ATP10D: variants seen among roughly 807,000 people sequenced by gnomAD.
The protein encoded by ATP10D is ATPase phospholipid transporting 10D (putative).
ATP10D carries 89 observed loss-of-function variants against 144.8 expected under a neutral mutation model. The ratio of observed to expected loss-of-function variants is 0.61; its 90% confidence interval spans 0.52 to 0.73. The LOEUF is 0.73. Among genes scored for constraint, ATP10D ranks in the 30% least tolerant of loss-of-function variants. The pLI, the probability that ATP10D is intolerant of heterozygous loss-of-function variation, is 0.00. For synonymous variants in ATP10D, 571 were observed against 615.1 expected (o/e 0.93, Z 1.06); for missense variants, 1,603 against 1,714.8 (o/e 0.93, Z 1.15).
chr4:47,568,137 A>G (rs1719738344), intron 15 of ATP10D, among the ~76,000 whole-genome samples: 1 of 152,266 alleles, frequency 6.6e-6, no homozygotes. Context: ...AACTGCCTTT[A>G]AAGAACTTCC....
chr4:47,496,781 TA>T (rs1282127951), intron 1 of ATP10D, among the ~76,000 whole-genome samples: 1 of 152,100 alleles, frequency 6.6e-6, no homozygotes, highest in Non-Finnish European at 1.5e-5. Flanking sequence ...CCAACTGTGC[TA>T]TTCATGTGAC....
At chr4:47,526,344 T>G (rs1184066198) in intron 5 of ATP10D, among the ~76,000 whole-genome samples, 1 of 152,214 alleles carries the variant, frequency 6.6e-6, no homozygotes. Flanking sequence ...GGTGGTCATC[T>G]CATAGATGTA....
In ATP10D at chr4:47,535,957, A is replaced by G; in HGVS notation, c.939A>G (p.Lys313=). The G allele has an allele frequency of 6.2e-7, 1 of 1,613,204 alleles. No individual in the cohort carries two copies. The highest frequency in any genetic ancestry group is 8.5e-7 in the Non-Finnish European group (1 of 1,179,354). Residue 313 remains lysine (K), a synonymous_variant, in exon 7 of 23, where the codon AAA becomes AAG. Transcript: ENST00000273859. The stretch of plus-strand genomic sequence containing the variant: ...GTGGGCCACGGTATAAGCGCAGCAA[A>G]TTAGAAAGAAGAGCAAACACAGATG... The part of the protein sequence containing the change: ...NNSGPRYKRS[K]LERRANTDVL...
In ATP10D at chr4:47,512,609, T is replaced by C. The variant is rs977627036; in HGVS notation, c.69T>C (p.Asp23=). The C allele has an allele frequency of 6.2e-7, 1 of 1,614,164 alleles. No individual in the cohort carries two copies. The highest frequency in any genetic ancestry group is 2.2e-5 in the East Asian group (1 of 44,880). ...RRLIRGATRD[D]DSGPYNYSSL... ...TGATCAGAGGTGCAACCAGGGATGA[T>C]GATTCAGGGCCATACAACTATTCCT... Residue 23 remains aspartate, a synonymous_variant, in exon 2 of 23, where the codon GAT becomes GAC. Coordinates refer to ENST00000273859, the MANE Select transcript of ATP10D (RefSeq NM_020453.4).
chr4:47,585,902 A>G (rs955960515), intron 21 of ATP10D, among the ~76,000 whole-genome samples: 5 of 152,184 alleles, frequency 3.3e-5, no homozygotes, highest in Non-Finnish European at 7.3e-5. Flanking sequence ...TCTGTTGATG[A>G]ACACTTAGGT....
chr4:47,498,395 G>C (rs1715510819), intron 1 of ATP10D, among the ~76,000 whole-genome samples: 1 of 152,156 alleles, frequency 6.6e-6, no homozygotes, highest in African/African-American at 2.4e-5. Flanking sequence ...AAATGTCCTA[G>C]GGGGCTGGAA....
intron 3 of ATP10D, among the ~76,000 whole-genome samples, chr4:47,516,979 A>G (rs1026225406): frequency 6.6e-6 from 1 of 152,386 alleles, no homozygotes; most frequent in East Asian, 1.9e-4. Context: ...AAAAATAGCT[A>G]TAAGAAACAA....
At chr4:47,543,126 G>A (rs1422654611) in intron 9 of ATP10D, among the ~76,000 whole-genome samples, 2 of 152,066 alleles carry the variant, frequency 1.3e-5, no homozygotes, top group African/African-American at 4.8e-5. Context: ...TTTTACTACA[G>A]TATATTGTTA....
chr4:47,513,181 G>A (rs1238246085), intron 2 of ATP10D, among the ~76,000 whole-genome samples: 3 of 152,148 alleles, frequency 2.0e-5, no homozygotes, highest in Admixed American at 6.5e-5. Flanking sequence ...ATGAAACCAC[G>A]CGCATTTTAA....
At chr4:47,582,655 G>A (rs1459743902) in intron 21 of ATP10D, among the ~76,000 whole-genome samples, 2 of 152,064 alleles carry the variant, frequency 1.3e-5, no homozygotes, top group East Asian at 3.9e-4. Context: ...TCAGGATCTT[G>A]GCACTTAGCG....
chr4:47,539,219 C>G (rs1375794531), intron 9 of ATP10D, among the ~76,000 whole-genome samples: 1 of 152,040 alleles, frequency 6.6e-6, no homozygotes, highest in African/African-American at 2.4e-5. Context: ...ACCCATCATA[C>G]CTGGTATTGT....
intron 1 of ATP10D, among the ~76,000 whole-genome samples, chr4:47,485,835 T>A (rs13152680): frequency 1.6e-5 from 1 of 63,712 alleles, no homozygotes; most frequent in Admixed American, 1.3e-4. Context: ...ACACGCATTC[T>A]CACACACCTT....
intron 5 of ATP10D, 137 bp from the exon 6 acceptor site, chr4:47,535,372 A>G (rs536353643): frequency 1.6e-6 from 1 of 621,934 alleles, no homozygotes; most frequent in African/African-American, 1.9e-5. Flanking sequence ...ACCAAAGTAA[A>G]TGGGCCAGAG....
intron 5 of ATP10D, among the ~76,000 whole-genome samples, chr4:47,527,126 AT>A (rs1717288551): frequency 6.6e-6 from 1 of 152,176 alleles, no homozygotes; most frequent in African/African-American, 2.4e-5. Context: ...AATGGAAGAG[AT>A]TATAGAGTCT....
rs765901941 is a variant in ATP10D, at chr4:47,582,039, A to C, written c.3728A>C (p.His1243Pro). The C allele has an allele frequency of 3.7e-5, 60 of 1,613,812 alleles. 1 individual carries two copies. Among genetic ancestry groups the C allele is most frequent in the Non-Finnish European group, 4.4e-5 (52 of 1,179,846 alleles). Residue 1243 changes from histidine (H) to proline (P), a missense_variant, in exon 21 of 23, where the codon CAT becomes CCT. By Grantham distance (77) the His-to-Pro change is moderately conservative. Transcript: ENST00000273859. ...GCCGCTCTGTTCATCGTTCTCCTCC[A>C]TCTGGTCATTGAAAGCAAGAGTTTG... Reference protein sequence around the residue: ...NTAALFIVLLHLVIESKSLTW... With the variant: ...NTAALFIVLLPLVIESKSLTW...
At chr4:47,577,507 T>C (rs1203118703) in intron 19 of ATP10D, among the ~76,000 whole-genome samples, 1 of 151,542 alleles carries the variant, frequency 6.6e-6, no homozygotes, top group Non-Finnish European at 1.5e-5. Flanking sequence ...GCAGGTTCTT[T>C]ATGGGAATGA....
intron 3 of ATP10D, among the ~76,000 whole-genome samples, chr4:47,515,956 G>A (rs1024782278): frequency 6.6e-5 from 10 of 152,238 alleles, no homozygotes; most frequent in Non-Finnish European, 1.0e-4. Context: ...AGGGCCGGGC[G>A]TGGTGGCTCA....
At chr4:47,572,818 G>GT (rs1225072132) in intron 17 of ATP10D, 54 bp from the exon 18 acceptor site, 3 of 1,611,848 alleles carry the variant, frequency 1.9e-6, no homozygotes, top group Non-Finnish European at 2.5e-6. Flanking sequence ...TGCTGTGTCT[G>GT]TTCTAACATG....
rs1258046099 is a variant in ATP10D at position 47,536,587 on chromosome 4, G to A, written c.1143+23G>A. ...CAGGTAATTTTTTATCAAGCTTATG[G>A]TAGAATTTTAACATCTTTGCTGCTT... On this transcript the variant is annotated intron_variant, in intron 8 of 22. Coordinates refer to ENST00000273859, the MANE Select transcript of ATP10D (RefSeq NM_020453.4). 1.9e-6 allele frequency: 3 copies of A among 1,609,824 alleles called. No individual in the cohort carries two copies. The South Asian group carries it at 3.3e-5, about 18-fold the overall frequency.
Sources: gnomAD v4.1 joint callset for allele counts (sites outside exome capture counted in the v4.1 genomes callset) on GRCh38, gnomAD v4.1.1 for gene constraint, MANE v1.5 for transcripts, NCBI Gene and HGNC (gene_info 2026-07-23, HGNC 2026-07-21) for gene names.